Variants in SORL1 observed in about 807,000 individuals in gnomAD.
The protein encoded by SORL1 is sortilin-related receptor.
In SORL1, 127 loss-of-function variants were observed where a neutral mutation model predicts 273.7. The ratio of observed to expected loss-of-function variants is 0.46; its 90% CI spans 0.40 to 0.54. SORL1 has a LOEUF of 0.54. SORL1 is among the 20% of genes least tolerant of loss of function. The pLI is 0.00. For missense variants in SORL1, 2,494 were observed against 2,846.1 expected (o/e 0.88, Z 2.81); for synonymous variants, 1,031 against 1,067.4 (o/e 0.97, Z 0.66).
chr11:121,459,929 T>TTGCTGC (rs994621480), intron 1 of SORL1, among the ~76,000 whole-genome samples: 2 of 152,250 alleles, frequency 1.3e-5, no homozygotes, highest in African/African-American at 4.8e-5. Flanking sequence ...GCCATTGCTG[T>TTGCTGC]TGCTGCTGCT....
In SORL1 at chr11:121,497,061, G is replaced by A. The variant is rs776744389; in HGVS notation, c.939+12G>A. On this transcript the variant is annotated intron_variant, in intron 6 of 47. Transcript: ENST00000260197. Reference sequence around the variant, plus strand: ...CTACAAAGGTGGTGGTAAGTTGAATGTACTAAAGAATAAACTACTTTTGAG... The same window carrying A: ...CTACAAAGGTGGTGGTAAGTTGAATATACTAAAGAATAAACTACTTTTGAG... The A allele has an allele frequency of 6.2e-6, 10 of 1,607,634 alleles. No individual in the cohort carries two copies. Among genetic ancestry groups the A allele is most frequent in the Non-Finnish European group, 8.5e-6 (10 of 1,177,094 alleles).
chr11:121,568,660 A>G (rs1862788554), intron 22 of SORL1, among the ~76,000 whole-genome samples: 1 of 152,242 alleles, frequency 6.6e-6, no homozygotes, highest in Non-Finnish European at 1.5e-5. Flanking sequence ...ATACCTATAG[A>G]TATATTGAAT....
rs1433171834 is a variant in SORL1 at position 121,586,868 on chromosome 11, TGATTTAATTAGCGTAGGTGTG to T, written c.3814+541_3814+561del. 5.9e-5 allele frequency among the ~76,000 whole-genome samples: 9 copies of T among 152,256 alleles called. No individual in the cohort carries two copies. The East Asian group carries it at 1.7e-3, about 29-fold the overall frequency. Reference sequence around the variant, plus strand: ...GCCTGGACCTTACCCCCAGAGATTCTGATTTAATTAGCGTAGGTGTGGCTGGGACTTGGGACATTTATGGTG... The same window carrying T: ...GCCTGGACCTTACCCCCAGAGATTCTGCTGGGACTTGGGACATTTATGGTG... On this transcript the variant is annotated intron_variant, in intron 27 of 47. Transcript: ENST00000260197.
At chr11:121,462,175 A>G (rs549437232) in intron 1 of SORL1, among the ~76,000 whole-genome samples, 1 of 152,236 alleles carries the variant, frequency 6.6e-6, no homozygotes, top group African/African-American at 2.4e-5. Context: ...TTTGATCTCA[A>G]GCAGGGATCC....
intron 32 of SORL1, among the ~76,000 whole-genome samples, chr11:121,599,794 T>C (rs1863359080): frequency 6.6e-6 from 1 of 152,150 alleles, no homozygotes; most frequent in African/African-American, 2.4e-5. Flanking sequence ...TTCTTCGGTG[T>C]TTAGCAGGAT....
chr11:121,468,227 T>C (rs1471215431), intron 1 of SORL1, among the ~76,000 whole-genome samples: 1 of 152,084 alleles, frequency 6.6e-6, no homozygotes, highest in Non-Finnish European at 1.5e-5. Context: ...CTGTCATCAG[T>C]CTAGGCTTAC....
At chr11:121,541,946 CT>C (rs1862355271) in intron 12 of SORL1, among the ~76,000 whole-genome samples, 1 of 152,138 alleles carries the variant, frequency 6.6e-6, no homozygotes, top group Non-Finnish European at 1.5e-5. Context: ...CAACTTTTTA[CT>C]TTTTAATTTC....
rs200138814 is a variant in SORL1 at position 121,614,781 on chromosome 11, AT to A, written c.5420-81del. 414 of 994,030 alleles carry A rather than the reference AT, an allele frequency of 4.2e-4. 1 individual carries two copies. The highest frequency in any genetic ancestry group is 1.4e-3 in the South Asian group (103 of 72,466). 61.6% of individuals were successfully genotyped at this position (994,030 alleles called of 1,614,324 possible). ...GACTCATTTAAGTCAAGAGATTACT[AT>A]TTTTTTTTAAAAAAGTGCATGTACC... On this transcript the variant is annotated intron_variant, in intron 40 of 47. Transcript: ENST00000260197.
At chr11:121,482,968 G>A in intron 3 of SORL1, among the ~76,000 whole-genome samples, 1 of 152,220 alleles carries the variant, frequency 6.6e-6, no homozygotes, top group East Asian at 1.9e-4. Flanking sequence ...TTCCTTCTTG[G>A]TCTCCTGTGT....
chr11:121,544,314 G>C (rs894213340), intron 13 of SORL1, among the ~76,000 whole-genome samples: 1 of 151,924 alleles, frequency 6.6e-6, no homozygotes, highest in African/African-American at 2.4e-5. Context: ...TCCCCTACTC[G>C]AAATCCTTTT....
intron 45 of SORL1, among the ~76,000 whole-genome samples, chr11:121,624,494 G>A (rs915376808): frequency 1.3e-5 from 2 of 152,200 alleles, no homozygotes; most frequent in Non-Finnish European, 1.5e-5. Flanking sequence ...CAGTGAACAG[G>A]GGCCTGAGCT....
intron 1 of SORL1, among the ~76,000 whole-genome samples, chr11:121,462,818 C>T (rs1413572337): frequency 2.0e-5 from 3 of 152,120 alleles, no homozygotes; most frequent in African/African-American, 7.2e-5. Context: ...CTCCTGGGCT[C>T]GAGGGATCCA....
chr11:121,612,949 G>GTCAACACAGAACAGC, intron 40 of SORL1, 117 bp downstream of exon 40: 1 of 681,508 alleles, frequency 1.5e-6, no homozygotes, highest in Non-Finnish European at 2.6e-6. Flanking sequence ...TCTGGAAGCT[G>GTCAACACAGAACAGC]TTCTGTGTTG....
chr11:121,609,006 AAAT>A, intron 38 of SORL1: 1 of 152,306 alleles, frequency 6.6e-6, no homozygotes, highest in Non-Finnish European at 1.5e-5. Context: ...GAGACTAAGG[AAAT>A]AATTGATGAT....
At chr11:121,455,225 C>T (rs1860883353) in intron 1 of SORL1, among the ~76,000 whole-genome samples, 1 of 152,108 alleles carries the variant, frequency 6.6e-6, no homozygotes, top group Non-Finnish European at 1.5e-5. Context: ...GAAACATGGT[C>T]ACAAGAAACC....
chr11:121,593,026 A>G (rs1863239438), intron 31 of SORL1, among the ~76,000 whole-genome samples: 1 of 152,142 alleles, frequency 6.6e-6, no homozygotes, highest in East Asian at 1.9e-4. Context: ...TTTAGTGTAG[A>G]AGTCTTCTAA....
chr11:121,503,268 T>C (rs1312745976), intron 6 of SORL1, among the ~76,000 whole-genome samples: 1 of 152,174 alleles, frequency 6.6e-6, no homozygotes, highest in Non-Finnish European at 1.5e-5. Flanking sequence ...AGGTCATGAA[T>C]ATATACTTCC....
intron 40 of SORL1, chr11:121,614,604 A>G (rs543488537): frequency 2.6e-5 from 9 of 351,968 alleles, no homozygotes; most frequent in Non-Finnish European, 4.6e-5. Context: ...ACAAGGCCAA[A>G]TGGCTTCCAG....
At chr11:121,540,659 A>G (rs573936804) in intron 12 of SORL1, among the ~76,000 whole-genome samples, 20 of 152,222 alleles carry the variant, frequency 1.3e-4, no homozygotes, top group Non-Finnish European at 2.4e-4. Flanking sequence ...TGCTGTTGAT[A>G]AGACAAGAGC....
Sources: gnomAD v4.1 joint callset for allele counts (sites outside exome capture counted in the v4.1 genomes callset) on GRCh38, gnomAD v4.1.1 for gene constraint, MANE v1.5 for transcripts, NCBI Gene and HGNC (gene_info 2026-07-23, HGNC 2026-07-21) for gene names.